Variants in EFHC1 observed in about 807,000 individuals in gnomAD.
The protein encoded by EFHC1 is EF-hand domain-containing protein 1.
EFHC1 carries 53 observed loss-of-function variants against 69.9 expected under a neutral mutation model. The observed-to-expected ratio is 0.76, with a 90% CI of 0.61 to 0.95. The LOEUF is 0.95. Ranked by LOEUF, EFHC1 falls within the 40% of genes least tolerant of loss-of-function variation. The pLI, the probability that EFHC1 is intolerant of heterozygous loss-of-function variation, is 0.00. For missense variants in EFHC1, 739 were observed against 798.7 expected, an observed-to-expected ratio of 0.93 and a Z score of 0.90; for synonymous variants, 256 against 278.4, an observed-to-expected ratio of 0.92 and a Z score of 0.80.
At chr6:52,484,958 C>T (rs994385704) in intron 9 of EFHC1, among the ~76,000 whole-genome samples, 4 of 151,676 alleles carry the variant, frequency 2.6e-5, no homozygotes, top group Non-Finnish European at 4.4e-5. Context: ...ATTTTAGCTA[C>T]TACTAAGAAA....
At chr6:52,441,434 G>A (rs1233290053) in intron 3 of EFHC1, among the ~76,000 whole-genome samples, 1 of 152,050 alleles carries the variant, frequency 6.6e-6, no homozygotes. Flanking sequence ...TTATTTCTGA[G>A]CTCCCTATTC....
chr6:52,490,994 T>C (rs1765888193), intron 10 of EFHC1: 1 of 152,602 alleles, frequency 6.6e-6, no homozygotes, highest in African/African-American at 2.4e-5. Context: ...ACATTCTTAC[T>C]GATTAAAAAT....
intron 9 of EFHC1, chr6:52,482,600 T>C: frequency 5.2e-6 from 2 of 386,634 alleles, no homozygotes; most frequent in Non-Finnish European, 9.1e-6. Flanking sequence ...CATATTCCTG[T>C]TTAAGATTGG....
At chr6:52,470,412 T>C (rs777499543) in intron 7 of EFHC1, among the ~76,000 whole-genome samples, 1 of 152,232 alleles carries the variant, frequency 6.6e-6, no homozygotes, top group African/African-American at 2.4e-5. Flanking sequence ...TGTTGAATTA[T>C]TATATGGTAA....
intron 1 of EFHC1, chr6:52,421,135 C>G: frequency 2.4e-6 from 2 of 842,246 alleles, no homozygotes; most frequent in Non-Finnish European, 2.9e-6. Flanking sequence ...TCTACATTTT[C>G]CACAATTTAG....
chr6:52,439,136 TG>T (rs1764603501), intron 3 of EFHC1, among the ~76,000 whole-genome samples: 1 of 152,192 alleles, frequency 6.6e-6, no homozygotes, highest in South Asian at 2.1e-4. Context: ...TTCGTAAGTT[TG>T]GATTTTTTAA....
chr6:52,481,393 A>G (rs944601938), intron 9 of EFHC1, among the ~76,000 whole-genome samples: 3 of 152,132 alleles, frequency 2.0e-5, no homozygotes, highest in Non-Finnish European at 2.9e-5. Flanking sequence ...AGTAGAGAGC[A>G]TATAGTCTGT....
Position 52,494,081 on chromosome 6 carries a change from A to G in EFHC1, c.*1740A>G. 3.0e-6 allele frequency: 1 copy of G among 336,136 alleles called. No homozygotes were observed. Among genetic ancestry groups the G allele is most frequent in the Non-Finnish European group, 5.8e-6 (1 of 173,870 alleles). 20.8% of individuals were successfully genotyped at this position (336,136 alleles called of 1,614,324 possible). A position where few individuals can be genotyped will look rare whatever the true frequency, so the allele number is the denominator to read the frequency against. ...CCTCAGTCGCTCATAACTATTTAAAACAGTATCTCTTTCAAGTACAGATGC... is the reference window on the plus strand; with the variant it reads ...CCTCAGTCGCTCATAACTATTTAAAGCAGTATCTCTTTCAAGTACAGATGC... On this transcript the variant is annotated 3_prime_UTR_variant, in exon 11 of 11. Coordinates refer to ENST00000371068, the MANE Select transcript of EFHC1 (RefSeq NM_018100.4).
chr6:52,494,609 A>C lies in EFHC1; in HGVS notation c.*2268A>C. 2.2e-6 allele frequency: 1 copy of C among 454,106 alleles called. No individual in the cohort carries two copies. Among genetic ancestry groups the C allele is most frequent in the Non-Finnish European group, 4.4e-6 (1 of 226,778 alleles). The allele number at this position is 454,106 out of a possible 1,614,324, so 28.1% of individuals were successfully genotyped here. On this transcript the variant is annotated 3_prime_UTR_variant, in exon 11 of 11. Coordinates refer to ENST00000371068, the MANE Select transcript of EFHC1 (RefSeq NM_018100.4). ...TTCTCTCTTTTTGGATTCAGGGGGT[A>C]CATGTGCAGGTTTGTTACATGAGTA...
Position 52,479,058 on chromosome 6 carries a change from A to G in EFHC1, c.1300A>G (p.Lys434Glu), listed in dbSNP as rs771316611. ...GTAGGAATCCCCCATCCCAGAAGAC[A>G]AAGACCGCAGATTTGTCTTCTCTTA... is the stretch of plus-strand genomic sequence containing the variant. ...AVLESPIPED[K>E]DRRFVFSYFL... is the part of the protein sequence containing the mutation. Residue 434 changes from lysine (K) to glutamate (E), a missense_variant, in exon 8 of 11, where the codon AAA becomes GAA. Physicochemically the swap from Lys to Glu is moderately conservative, Grantham distance 56. Coordinates refer to ENST00000371068, the MANE Select transcript of EFHC1 (RefSeq NM_018100.4). 2 of 1,613,992 alleles carry G rather than the reference A, an allele frequency of 1.2e-6. No individual in the cohort carries two copies. Among genetic ancestry groups the G allele is most frequent in the South Asian group, 1.1e-5 (1 of 91,078 alleles).
chr6:52,448,043 T>C (rs1236573415), intron 3 of EFHC1, among the ~76,000 whole-genome samples: 2 of 152,262 alleles, frequency 1.3e-5, no homozygotes, highest in Non-Finnish European at 2.9e-5. Context: ...GGAGGCAGTC[T>C]GTCCGTTCTC....
chr6:52,491,909 C>A (rs1765912469), intron 10 of EFHC1, among the ~76,000 whole-genome samples: 1 of 152,202 alleles, frequency 6.6e-6, no homozygotes, highest in Non-Finnish European at 1.5e-5. Flanking sequence ...CTTCAGCGTT[C>A]CTTCTGGGCA....
intron 4 of EFHC1, 77 bp from the exon 5 acceptor site, chr6:52,454,018 A>G (rs987998454): frequency 6.2e-7 from 1 of 1,608,526 alleles, no homozygotes; most frequent in Non-Finnish European, 8.5e-7. Context: ...TCCATCGTTG[A>G]TACATAATTG....
chr6:52,482,596 C>T (rs1765704299), intron 9 of EFHC1: 2 of 384,800 alleles, frequency 5.2e-6, no homozygotes, highest in African/African-American at 2.1e-5. Context: ...TTGTCATATT[C>T]CTGTTTAAGA....
intron 3 of EFHC1, among the ~76,000 whole-genome samples, chr6:52,449,861 G>A (rs1178546324): frequency 6.6e-6 from 1 of 152,110 alleles, no homozygotes; most frequent in Non-Finnish European, 1.5e-5. Context: ...CTTTGAGGTT[G>A]ATTTGCTCTT....
Position 52,490,237 on chromosome 6 carries a change from C to T in EFHC1, c.1738C>T (p.Arg580Cys), listed in dbSNP as rs376063510. Residue 580 changes from arginine (R) to cysteine (C), a missense_variant, in exon 10 of 11, where the codon CGT becomes TGT. Physicochemically the swap from Arg to Cys is radical, Grantham distance 180 (BLOSUM62 -3). Transcript: ENST00000371068. ...AGATCACTCATGCAAAGACAACATT[C>T]GTGAGGCATTTCAAATTTATGACAA... is the stretch of plus-strand genomic sequence containing the variant. ...LKDHSCKDNI[R>C]EAFQIYDKEA... The T allele has an allele frequency of 1.5e-5, 24 of 1,613,974 alleles. No homozygotes were observed. Among genetic ancestry groups the T allele is most frequent in the East Asian group, 4.5e-5 (2 of 44,896 alleles).
At position 52,495,941 on chromosome 6, in the gene EFHC1, C is replaced by CTGTT; in HGVS notation, c.*3602_*3605dup. On this transcript the variant is annotated 3_prime_UTR_variant, in exon 11 of 11. Transcript: ENST00000371068. ...TGGTGTCCAAACACTCGCTGCTCACCTGTTTATACAAAGCAGCAAGTATAG... is the reference window on the plus strand; with the variant it reads ...TGGTGTCCAAACACTCGCTGCTCACCTGTTTGTTTATACAAAGCAGCAAGTATAG... The CTGTT allele has an allele frequency of 3.8e-6, 1 of 261,270 alleles. No homozygotes were observed. The highest frequency in any genetic ancestry group is 4.9e-5 in the Admixed American group (1 of 20,380). The allele number at this position is 261,270 out of a possible 1,614,324, so 16.2% of individuals were successfully genotyped here.
At position 52,435,210 on chromosome 6, in the gene EFHC1, CAAATT is replaced by C. The variant is rs560740316; in HGVS notation, c.286-3091_286-3087del. Among the ~76,000 whole-genome samples the C allele has an allele frequency of 1.7e-3, 255 of 152,288 alleles. 2 individuals carry two copies. The highest frequency in any genetic ancestry group is 5.7e-3 in the African/African-American group (236 of 41,558). The stretch of plus-strand genomic sequence containing the variant: ...CATCTTGAATGTCTAATAAATATCT[CAAATT>C]AAGCATATCTAAAACTGAACTCCCA... On this transcript the variant is annotated intron_variant, in intron 2 of 10. Coordinates refer to ENST00000371068, the MANE Select transcript of EFHC1 (RefSeq NM_018100.4).
intron 5 of EFHC1, among the ~76,000 whole-genome samples, chr6:52,456,833 T>TG (rs1400423910): frequency 1.4e-4 from 21 of 152,140 alleles, no homozygotes; most frequent in Admixed American, 6.5e-4. Flanking sequence ...GAGAATTGCT[T>TG]GAAGCCAGGA....
Sources: allele counts gnomAD v4.1 joint callset (sites outside exome capture counted in the v4.1 genomes callset), GRCh38; gene constraint gnomAD v4.1.1; transcripts MANE v1.5; gene names NCBI Gene and HGNC (gene_info 2026-07-23, HGNC 2026-07-21).